Variants in FETUB observed in about 807,000 individuals in gnomAD.
FETUB encodes fetuin-B.
FETUB carries 28 observed loss-of-function variants against 30.9 expected under a neutral mutation model. The observed-to-expected ratio is 0.90, with a 90% CI of 0.67 to 1.24. The LOEUF (loss-of-function observed/expected upper bound fraction) is 1.24. Among genes scored for constraint, FETUB ranks in the 50% most tolerant of loss-of-function variants. The pLI is 0.00. For missense variants in FETUB, 469 were observed against 455.3 expected, an observed-to-expected ratio of 1.03 and a Z score of -0.27; for synonymous variants, 186 against 175.9, an observed-to-expected ratio of 1.06 and a Z score of -0.45.
intron 5 of FETUB, among the ~76,000 whole-genome samples, chr3:186,649,593 C>T (rs1186855019): frequency 1.3e-5 from 2 of 152,166 alleles, no homozygotes; most frequent in Non-Finnish European, 2.9e-5. Context: ...GCCTCAACAA[C>T]CCAAGTATCT....
In FETUB at chr3:186,640,583, G is replaced by C. The variant is rs767409921; in HGVS notation, c.123G>C (p.Val41=). ...CCCGGGGCTGCAATGACTCAGATGT[G>C]CTGGCAGTTGCAGGCTTTGCCCTGC... ...LLSRGCNDSD[V]LAVAGFALRD... is the part of the protein sequence containing the mutation. Residue 41 remains valine, a synonymous_variant, in exon 1 of 7, where the codon GTG becomes GTC. Transcript: ENST00000265029. 6.2e-7 allele frequency: 1 copy of C among 1,613,184 alleles called. No individual in the cohort carries two copies. The highest frequency in any genetic ancestry group is 8.5e-7 in the Non-Finnish European group (1 of 1,179,062).
At chr3:186,647,085 A>G (rs986935290) in intron 5 of FETUB, 1 of 152,256 alleles carries the variant, frequency 6.6e-6, no homozygotes, top group African/African-American at 2.4e-5. Flanking sequence ...GACATTTCAT[A>G]TAAATAGAAT....
chr3:186,638,946 C>T (rs569032300), upstream of FETUB, among the ~76,000 whole-genome samples: 3 of 152,336 alleles, frequency 2.0e-5, no homozygotes, highest in South Asian at 6.2e-4. Flanking sequence ...CAGCCCACAT[C>T]CACAGAGCTG....
At chr3:186,637,596 T>G (rs898836964), upstream of FETUB, among the ~76,000 whole-genome samples, 1 of 152,202 alleles carries the variant, frequency 6.6e-6, no homozygotes, top group African/African-American at 2.4e-5. Context: ...TGCCTCTCCC[T>G]CCTCACTCAG....
At chr3:186,646,695 C>T (rs1354204647) in intron 5 of FETUB, among the ~76,000 whole-genome samples, 1 of 152,170 alleles carries the variant, frequency 6.6e-6, no homozygotes, top group Non-Finnish European at 1.5e-5. Context: ...AATAGGCCTT[C>T]ATTCAAAGAG....
In FETUB at chr3:186,642,566, A is replaced by G; in HGVS notation, c.424+8A>G. 1 of 1,532,096 alleles carries G rather than the reference A, an allele frequency of 6.5e-7. No individual in the cohort carries two copies. The highest frequency in any genetic ancestry group is 1.7e-5 in the Admixed American group (1 of 59,208). The allele number at this position is 1,532,096 out of a possible 1,614,324, so 94.9% of individuals were successfully genotyped here. On this transcript the variant is annotated splice_region_variant and intron_variant, in intron 3 of 6. Transcript: ENST00000265029. ...ACTGTACTCTTCGCCCAGGTAAGAA[A>G]TCACTACGATTTTGTTAGTTTTAAT...
chr3:186,652,560 A>T lies in FETUB; in HGVS notation c.1078A>T (p.Lys360Ter). The T allele has an allele frequency of 6.2e-7, 1 of 1,613,924 alleles. No homozygotes were observed. Among genetic ancestry groups the T allele is most frequent in the Non-Finnish European group, 8.5e-7 (1 of 1,179,996 alleles). ...GAAGCTGGTGGTCCTGCCTTTCCCC[A>T]AAGAAAAAGCACGCACTGCTGAGTG... ...EEKLVVLPFP[K>*]EKARTAECPG... Residue 360 changes from lysine (K) to a stop codon, truncating the protein, a stop_gained, in exon 7 of 7, where the codon AAA becomes TAA. Transcript: ENST00000265029. LOFTEE classifies it low-confidence loss of function (END_TRUNC).
upstream of FETUB, chr3:186,636,335 A>G (rs1014935378): frequency 3.9e-5 from 6 of 152,220 alleles, no homozygotes; most frequent in Non-Finnish European, 7.3e-5. Context: ...CTTAGTGTAT[A>G]AAATCTCCCC....
chr3:186,638,806 C>T (rs561835455), upstream of FETUB, among the ~76,000 whole-genome samples: 31 of 152,270 alleles, frequency 2.0e-4, 1 homozygote, highest in African/African-American at 6.3e-4. Context: ...TCTTTCTGTA[C>T]GTTGCTCAAG....
upstream of FETUB, among the ~76,000 whole-genome samples, chr3:186,638,967 A>G (rs1354086006): frequency 6.6e-6 from 1 of 152,166 alleles, no homozygotes; most frequent in African/African-American, 2.4e-5. Flanking sequence ...GGATCTTTAG[A>G]TTTGGGTTTT....
At chr3:186,642,748 T>C (rs1458986714) in intron 3 of FETUB, among the ~76,000 whole-genome samples, 190 bp downstream of exon 3, 1 of 152,244 alleles carries the variant, frequency 6.6e-6, no homozygotes, top group Non-Finnish European at 1.5e-5. Context: ...TTCCCACAAT[T>C]AATCTTACTA....
intron 3 of FETUB, among the ~76,000 whole-genome samples, 179 bp from the exon 4 acceptor site, chr3:186,644,572 T>A (rs1368071830): frequency 6.6e-6 from 1 of 152,136 alleles, no homozygotes; most frequent in South Asian, 2.1e-4. Context: ...TTTGTTCTGG[T>A]CTCTTTTTTA....
chr3:186,650,744 T>C (rs1717956873), intron 5 of FETUB, among the ~76,000 whole-genome samples: 1 of 152,206 alleles, frequency 6.6e-6, no homozygotes, highest in Non-Finnish European at 1.5e-5. Context: ...TTTATCTATA[T>C]TCTAACTATT....
intron 5 of FETUB, among the ~76,000 whole-genome samples, chr3:186,649,432 A>G (rs1251619333): frequency 6.6e-6 from 1 of 152,102 alleles, no homozygotes; most frequent in Non-Finnish European, 1.5e-5. Context: ...CCATCACCCA[A>G]ATAGTGTACA....
Position 186,646,361 on chromosome 3 carries a change from T to C in FETUB, c.696+12T>C. The stretch of plus-strand genomic sequence containing the variant: ...CCTCCGACTCTGTGGTGAGTTTTCC[T>C]GAATGTCTTCATAATTTGAGTGTTC... On this transcript the variant is annotated intron_variant, in intron 5 of 6. Transcript: ENST00000265029. 2 of 1,578,820 alleles carry C rather than the reference T, an allele frequency of 1.3e-6. No individual in the cohort carries two copies. Among genetic ancestry groups the C allele is most frequent in the Non-Finnish European group, 1.7e-6 (2 of 1,147,938 alleles).
At chr3:186,640,714 C>T (rs1164412651) in intron 1 of FETUB, 29 bp downstream of exon 1, 3 of 1,581,032 alleles carry the variant, frequency 1.9e-6, no homozygotes, top group Non-Finnish European at 2.6e-6. Flanking sequence ...CACTCTGGGG[C>T]AGGGATGTGG....
At chr3:186,648,731 T>G (rs1036533398) in intron 5 of FETUB, among the ~76,000 whole-genome samples, 5 of 152,262 alleles carry the variant, frequency 3.3e-5, no homozygotes, top group African/African-American at 1.2e-4. Context: ...GTCAATTTAC[T>G]CTTCAAATAT....
rs141599890 is a variant in FETUB at position 186,652,548 on chromosome 3, C to T, written c.1066C>T (p.Leu356=). ...GCCTATGGAGGAGAAGCTGGTGGTC[C>T]TGCCTTTCCCCAAAGAAAAAGCACG... ...LEPMEEKLVV[L]PFPKEKARTA... Residue 356 remains leucine, a synonymous_variant, in exon 7 of 7, where the codon CTG becomes TTG. Transcript: ENST00000265029. The T allele has an allele frequency of 1.3e-5, 21 of 1,613,928 alleles. No individual in the cohort carries two copies. The African/African-American group carries it at 2.3e-4, about 17-fold the overall frequency.
Sources: allele counts gnomAD v4.1 joint callset (sites outside exome capture counted in the v4.1 genomes callset), GRCh38; gene constraint gnomAD v4.1.1; transcripts MANE v1.5; gene names NCBI Gene and HGNC (gene_info 2026-07-23, HGNC 2026-07-21).